Variants in PCDHGA1 observed in about 807,000 individuals in gnomAD.
The protein encoded by PCDHGA1 is protocadherin gamma subfamily A, 1, also known as protocadherin gamma-A1.
PCDHGA1 carries 32 observed loss-of-function variants against 58.0 expected under a neutral mutation model. That is an observed-to-expected ratio of 0.55 (90% CI 0.42 to 0.74). PCDHGA1 has a LOEUF of 0.74. Ranked by LOEUF, PCDHGA1 falls within the 30% of genes least tolerant of loss-of-function variation. The pLI, the probability that PCDHGA1 is intolerant of heterozygous loss-of-function variation, is 0.00. For missense variants in PCDHGA1, 1,205 were observed against 1,182.3 expected (o/e 1.02, Z -0.28); for synonymous variants, 498 against 501.1 (o/e 0.99, Z 0.08).
intron 1 of PCDHGA1, chr5:141,344,816 G>C (rs1757476876): frequency 1.2e-6 from 2 of 1,613,946 alleles, no homozygotes; most frequent in East Asian, 4.5e-5. Context: ...GTACCCGGCT[G>C]CTCACGGTGA....
chr5:141,454,644 G>T (rs183290309), intron 1 of PCDHGA1, among the ~76,000 whole-genome samples: 2 of 151,892 alleles, frequency 1.3e-5, no homozygotes, highest in South Asian at 2.1e-4. Flanking sequence ...AACCTCAGGT[G>T]ATCTGCCCAC....
chr5:141,357,542 GC>G lies in PCDHGA1; in HGVS notation c.2421+24439del, dbSNP rs1561515145. The stretch of plus-strand genomic sequence containing the variant: ...CCCAGCTATGCAGACACGCTCATCA[GC>G]CGGGAGAGTTGTGAGAAAAGCGAGC... On this transcript the variant is annotated intron_variant, in intron 1 of 3. Transcript: ENST00000517417. The G allele has an allele frequency of 2.5e-6, 4 of 1,614,210 alleles. No homozygotes were observed. In the East Asian group the frequency reaches 8.9e-5, roughly 36 times the overall value.
chr5:141,340,011 T>G (rs1440832527), intron 1 of PCDHGA1: 1 of 1,614,148 alleles, frequency 6.2e-7, no homozygotes, highest in Non-Finnish European at 8.5e-7. Context: ...GCCCCAGAAT[T>G]TTACATGACA....
chr5:141,413,747 A>G (rs1208637349), intron 1 of PCDHGA1: 7 of 1,613,230 alleles, frequency 4.3e-6, no homozygotes, highest in African/African-American at 4.0e-5. Flanking sequence ...AGCCGTGCCA[A>G]TGGCGTCAAG....
At chr5:141,498,194 T>C (rs1014641829) in intron 2 of PCDHGA1, among the ~76,000 whole-genome samples, 16 of 152,254 alleles carry the variant, frequency 1.1e-4, no homozygotes, top group African/African-American at 3.6e-4. Context: ...ATTAACCAGC[T>C]AAAGAAAAGA....
chr5:141,352,730 C>T, intron 1 of PCDHGA1: 1 of 1,518,416 alleles, frequency 6.6e-7, no homozygotes, highest in Non-Finnish European at 8.9e-7. Flanking sequence ...TGGCTCAAGC[C>T]TGTAATCCCA....
chr5:141,343,570 A>T (rs558182241), intron 1 of PCDHGA1, among the ~76,000 whole-genome samples: 28 of 152,320 alleles, frequency 1.8e-4, no homozygotes, highest in Non-Finnish European at 3.4e-4. Flanking sequence ...AGTTAACTCC[A>T]CTATGTTTGA....
intron 1 of PCDHGA1, among the ~76,000 whole-genome samples, chr5:141,451,804 C>G (rs914303400): frequency 9.2e-5 from 14 of 151,946 alleles, no homozygotes; most frequent in African/African-American, 3.4e-4. Context: ...TTGCTTGAAC[C>G]CAGGAGGCGG....
rs1209394605 is a variant in PCDHGA1, at chr5:141,353,277, G to GTCATTTTAT, written c.2421+20175_2421+20183dup. Among the ~76,000 whole-genome samples, 77 of 152,218 alleles carry GTCATTTTAT rather than the reference G, an allele frequency of 5.1e-4. 1 individual carries two copies. The highest frequency in any genetic ancestry group is 1.5e-5 in the Non-Finnish European group (1 of 67,996). ...TTGATATGCAATACTATATTTTCAA[G>GTCATTTTAT]TCATTTTATTCTTAGCTCTTTATAA... On this transcript the variant is annotated intron_variant, in intron 1 of 3. Coordinates refer to ENST00000517417, the MANE Select transcript of PCDHGA1 (RefSeq NM_018912.3).
chr5:141,506,253 G>A (rs1332023284), intron 3 of PCDHGA1, among the ~76,000 whole-genome samples: 2 of 151,862 alleles, frequency 1.3e-5, no homozygotes, highest in Non-Finnish European at 2.9e-5. Flanking sequence ...GTTCGAAACC[G>A]GCCTGGCCAA....
intron 1 of PCDHGA1, among the ~76,000 whole-genome samples, chr5:141,405,955 C>T (rs116457023): frequency 0.015 from 2,244 of 152,168 alleles, 22 homozygotes; most frequent in Admixed American, 0.035. Flanking sequence ...TAATAATTAA[C>T]CTGCTGTCAA....
intron 1 of PCDHGA1, among the ~76,000 whole-genome samples, chr5:141,438,325 A>C (rs1400796518): frequency 6.6e-6 from 1 of 151,948 alleles, no homozygotes; most frequent in African/African-American, 2.4e-5. Context: ...AATTTTTCTT[A>C]TACATGTCAT....
chr5:141,463,388 C>T (rs1470533734), intron 1 of PCDHGA1, among the ~76,000 whole-genome samples: 1 of 150,092 alleles, frequency 6.7e-6, no homozygotes, highest in Non-Finnish European at 1.5e-5. Flanking sequence ...AAAGTTGTCT[C>T]CAGGCAAAAA....
chr5:141,439,697 A>T (rs2098127217), intron 1 of PCDHGA1, among the ~76,000 whole-genome samples: 1 of 152,218 alleles, frequency 6.6e-6, no homozygotes, highest in Non-Finnish European at 1.5e-5. Flanking sequence ...CAACATTCCT[A>T]TTATGGCTCC....
At position 141,431,277 on chromosome 5, in the gene PCDHGA1, G is replaced by T; in HGVS notation, c.2422-63530G>T. 6.2e-7 allele frequency: 1 copy of T among 1,614,160 alleles called. No homozygotes were observed. The highest frequency in any genetic ancestry group is 1.3e-5 in the African/African-American group (1 of 75,062). On this transcript the variant is annotated intron_variant, in intron 1 of 3. Transcript: ENST00000517417. This position sits in a 1 kb window ranked among gnomAD's most constrained non-coding sequence, Gnocchi z 4.8. ...AACTCTCTGCAGAGCTACGAGCTCAGCCCGAACACTCACTTCTCCCTCATC... is the reference window on the plus strand; with the variant it reads ...AACTCTCTGCAGAGCTACGAGCTCATCCCGAACACTCACTTCTCCCTCATC...
chr5:141,341,407 T>A, intron 1 of PCDHGA1: 1 of 1,614,154 alleles, frequency 6.2e-7, no homozygotes, highest in Non-Finnish European at 8.5e-7. Context: ...TAATCTATCT[T>A]TTCACAACAT....
chr5:141,361,816 C>G, intron 1 of PCDHGA1: 2 of 1,613,084 alleles, frequency 1.2e-6, no homozygotes, highest in Non-Finnish European at 1.7e-6. Context: ...CAATGCGCCA[C>G]GGGTGCTGTA....
chr5:141,349,659 G>A (rs942045169), intron 1 of PCDHGA1, among the ~76,000 whole-genome samples: 4 of 151,804 alleles, frequency 2.6e-5, no homozygotes, highest in African/African-American at 9.7e-5. Flanking sequence ...ACTAGATAAG[G>A]GAGCTTATTC....
chr5:141,497,540 CTTT>C (rs754207034), intron 2 of PCDHGA1, among the ~76,000 whole-genome samples: 11 of 134,886 alleles, frequency 8.2e-5, no homozygotes, highest in African/African-American at 1.9e-4. Context: ...TGCAACAAAC[CTTT>C]TTTTTTTTTT....
Sources: gnomAD v4.1 joint callset for allele counts (sites outside exome capture counted in the v4.1 genomes callset) on GRCh38, gnomAD v4.1.1 for gene constraint, Gnocchi (gnomAD v3.1) non-coding constraint, MANE v1.5 for transcripts, NCBI Gene and HGNC (gene_info 2026-07-23, HGNC 2026-07-21) for gene names.